The following UBE2W variants were observed in gnomAD, a reference collection of about 807,000 sequenced individuals.
UBE2W encodes ubiquitin conjugating enzyme E2 W.
UBE2W carries 18 observed loss-of-function variants against 27.2 expected under a neutral mutation model. The observed-to-expected ratio is 0.66, with a 90% confidence interval of 0.46 to 0.98. The LOEUF (loss-of-function observed/expected upper bound fraction) is 0.98. Ranked by LOEUF, UBE2W falls within the 50% of genes least tolerant of loss-of-function variation. UBE2W has a pLI of 0.00. For synonymous variants in UBE2W, 53 were observed against 57.2 expected, an observed-to-expected ratio of 0.93 and a Z score of 0.33; for missense variants, 90 against 180.2, an observed-to-expected ratio of 0.50 and a Z score of 2.87.
intron 1 of UBE2W, among the ~76,000 whole-genome samples, chr8:73,870,085 C>T (rs1056961800): frequency 1.3e-5 from 2 of 152,052 alleles, no homozygotes; most frequent in African/African-American, 2.4e-5. Flanking sequence ...AGTGATGGTT[C>T]TGAACAGATT....
chr8:73,820,497 C>A (rs1809563774), intron 3 of UBE2W, among the ~76,000 whole-genome samples: 1 of 151,946 alleles, frequency 6.6e-6, no homozygotes, highest in South Asian at 2.1e-4. Flanking sequence ...AGTACTTTGA[C>A]AGGCCGAGGC....
chr8:73,787,658 TGA>T lies in UBE2W; in HGVS notation c.*6442_*6443del, dbSNP rs1369015800. Reference sequence around the variant, plus strand: ...TCCTCCTGTCAGGAATAACAGATGCTGAGATAGCCCCTTCTTGTGGTTATTTC... The same window carrying T: ...TCCTCCTGTCAGGAATAACAGATGCTGATAGCCCCTTCTTGTGGTTATTTC... On this transcript the variant is annotated 3_prime_UTR_variant, in exon 6 of 6. Transcript: ENST00000602593. 7 of 985,180 alleles carry T rather than the reference TGA, an allele frequency of 7.1e-6. No individual in the cohort carries two copies. The highest frequency in any genetic ancestry group is 8.4e-6 in the Non-Finnish European group (7 of 829,720). The allele number at this position is 985,180 out of a possible 1,614,324, so 61.0% of individuals were successfully genotyped here. A position where few individuals can be genotyped will look rare whatever the true frequency, so the allele number is the denominator to read the frequency against.
At chr8:73,874,478 A>T (rs1255693128) in intron 1 of UBE2W, among the ~76,000 whole-genome samples, 1 of 152,142 alleles carries the variant, frequency 6.6e-6, no homozygotes, top group Non-Finnish European at 1.5e-5. Context: ...AACAACAACA[A>T]CAAAAAATTC....
Position 73,790,165 on chromosome 8 carries a change from G to A in UBE2W, c.*3937C>T, listed in dbSNP as rs1318514764. The A allele has an allele frequency of 3.0e-6, 3 of 984,638 alleles. No homozygotes were observed. Among genetic ancestry groups the A allele is most frequent in the African/African-American group, 3.5e-5 (2 of 57,076 alleles). The allele number at this position is 984,638 out of a possible 1,614,324, so 61.0% of individuals were successfully genotyped here. A position where few individuals can be genotyped will look rare whatever the true frequency, so the allele number is the denominator to read the frequency against. On this transcript the variant is annotated 3_prime_UTR_variant, in exon 6 of 6. Transcript: ENST00000602593. ...GCATAATTTTAATAATCGTCCTTCTGTAGAATCCCTAACCTCAGAAAAAAA... is the reference window on the plus strand; with the variant it reads ...GCATAATTTTAATAATCGTCCTTCTATAGAATCCCTAACCTCAGAAAAAAA...
At chr8:73,865,920 T>G (rs975492820) in intron 1 of UBE2W, among the ~76,000 whole-genome samples, 3 of 152,132 alleles carry the variant, frequency 2.0e-5, no homozygotes, top group Non-Finnish European at 4.4e-5. Context: ...GTTTTGTAAG[T>G]CTAAAGACTG....
chr8:73,839,272 GAAT>G lies in UBE2W; in HGVS notation c.16-8803_16-8801del, dbSNP rs201858593. On this transcript the variant is annotated intron_variant, in intron 1 of 5. Coordinates refer to ENST00000602593, the MANE Select transcript of UBE2W (RefSeq NM_018299.6). ...AGTAGGGAACATTACTGTTTAGAAT[GAAT>G]ACTACTACATCAAATGAAATGATCC... Among the ~76,000 whole-genome samples the G allele has an allele frequency of 9.1e-3, 1,315 of 145,236 alleles. 19 individuals are homozygous for G. The highest frequency in any genetic ancestry group is 0.032 in the African/African-American group (1,257 of 39,680).
intron 5 of UBE2W, among the ~76,000 whole-genome samples, chr8:73,804,278 T>TAA (rs60509539): frequency 2.2e-4 from 29 of 132,500 alleles, no homozygotes; most frequent in African/African-American, 7.4e-4. Context: ...AGGTTAACAT[T>TAA]AAAAAAAAAA....
chr8:73,795,675 G>C (rs764473752), intron 5 of UBE2W: 7 of 610,960 alleles, frequency 1.1e-5, no homozygotes, highest in Non-Finnish European at 1.4e-5. Context: ...AATTTCAAGG[G>C]GGAAACAGAC....
chr8:73,781,269 C>CAA (rs72377675), downstream of UBE2W, among the ~76,000 whole-genome samples: 6 of 86,078 alleles, frequency 7.0e-5, no homozygotes, highest in Admixed American at 2.8e-4. Flanking sequence ...GACTCAGTCT[C>CAA]AAAAAAAAAA....
chr8:73,799,622 T>G (rs985759484), intron 5 of UBE2W, among the ~76,000 whole-genome samples: 1 of 152,206 alleles, frequency 6.6e-6, no homozygotes, highest in East Asian at 1.9e-4. Context: ...CTTGCCTCTT[T>G]GCTTAGATCT....
At chr8:73,811,329 T>C (rs1003655653) in intron 3 of UBE2W, among the ~76,000 whole-genome samples, 1 of 152,188 alleles carries the variant, frequency 6.6e-6, no homozygotes. Context: ...TTTTGAATGG[T>C]AATAAATCTA....
chr8:73,848,027 C>T (rs973926920), intron 1 of UBE2W, among the ~76,000 whole-genome samples: 8 of 151,498 alleles, frequency 5.3e-5, no homozygotes, highest in African/African-American at 1.2e-4. Context: ...TACAGAGAAA[C>T]CCCATCTCTA....
In UBE2W at chr8:73,875,662, T is replaced by C. The variant is rs201127244; in HGVS notation, c.15+3146A>G. On this transcript the variant is annotated intron_variant, in intron 1 of 5. Transcript: ENST00000602593. ...GGTTAAGGACATGGTCATTCCATGT[T>C]ACAGCTTATTTTTTCCTAATCGAAA... 2.2e-4 allele frequency among the ~76,000 whole-genome samples: 34 copies of C among 152,346 alleles called. 1 individual carries two copies. The East Asian group carries it at 6.4e-3, about 29-fold the overall frequency.
chr8:73,855,107 T>G (rs550093641), intron 1 of UBE2W, among the ~76,000 whole-genome samples: 1 of 152,228 alleles, frequency 6.6e-6, no homozygotes, highest in African/African-American at 2.4e-5. Context: ...CTCTGCTTCT[T>G]TGGAGTACTT....
rs1255949981 is a variant in UBE2W at position 73,792,792 on chromosome 8, T to G, written c.*1310A>C. 4.1e-6 allele frequency: 4 copies of G among 984,938 alleles called. No homozygotes were observed. The South Asian group carries it at 1.9e-4, about 46-fold the overall frequency. 61.0% of individuals were successfully genotyped at this position (984,938 alleles called of 1,614,324 possible). On this transcript the variant is annotated 3_prime_UTR_variant, in exon 6 of 6. Transcript: ENST00000602593. ...ACTGAGAACTGGACCTTTCAACAAT[T>G]TTTTTTTTCTATAGAAAGTTTCATC... is the stretch of plus-strand genomic sequence containing the variant.
chr8:73,870,549 AAAC>A (rs1257474882), intron 1 of UBE2W, among the ~76,000 whole-genome samples: 1 of 152,174 alleles, frequency 6.6e-6, no homozygotes, highest in East Asian at 1.9e-4. Flanking sequence ...CACAGCTATT[AAAC>A]AACAACACTA....
At chr8:73,819,916 A>C (rs1478774905) in intron 3 of UBE2W, among the ~76,000 whole-genome samples, 1 of 152,218 alleles carries the variant, frequency 6.6e-6, no homozygotes. Flanking sequence ...TATTTTCCAA[A>C]TTCTACTCTT....
chr8:73,826,127 ACTTTC>A (rs1406867313), intron 2 of UBE2W, among the ~76,000 whole-genome samples: 2 of 152,198 alleles, frequency 1.3e-5, no homozygotes, highest in Non-Finnish European at 2.9e-5. Flanking sequence ...CTTTGTGGTG[ACTTTC>A]CTTTATCTCT....
At chr8:73,868,813 A>G (rs1811883303) in intron 1 of UBE2W, among the ~76,000 whole-genome samples, 1 of 152,218 alleles carries the variant, frequency 6.6e-6, no homozygotes, top group Non-Finnish European at 1.5e-5. Flanking sequence ...TAGAAAGTTA[A>G]AACACAGAGT....
Sources: gnomAD v4.1 joint callset for allele counts (sites outside exome capture counted in the v4.1 genomes callset) on GRCh38, gnomAD v4.1.1 for gene constraint, MANE v1.5 for transcripts, NCBI Gene and HGNC (gene_info 2026-07-23, HGNC 2026-07-21) for gene names.